SLIT3: variants seen among roughly 807,000 people sequenced by gnomAD.
SLIT3 encodes the protein slit homolog 3 protein.
Under a neutral mutation model 184.0 loss-of-function variants are expected in SLIT3, and 68 were observed. That is an observed-to-expected ratio of 0.37 (90% CI 0.30 to 0.45). SLIT3 has a LOEUF of 0.45. Ranked by LOEUF, SLIT3 falls within the 20% of genes least tolerant of loss-of-function variation. The pLI is 1.00. For synonymous variants in SLIT3, 831 were observed against 828.6 expected, an observed-to-expected ratio of 1.00 and a Z score of -0.05; for missense variants, 1,707 against 2,026.0, an observed-to-expected ratio of 0.84 and a Z score of 3.02.
At chr5:168,986,230 C>T (rs1033748767) in intron 4 of SLIT3, among the ~76,000 whole-genome samples, 7 of 152,066 alleles carry the variant, frequency 4.6e-5, no homozygotes, top group East Asian at 1.9e-4. Context: ...AATTTCATGA[C>T]GTAGGGCAAA....
chr5:169,137,718 C>T (rs1239578169), intron 4 of SLIT3, among the ~76,000 whole-genome samples: 1 of 151,852 alleles, frequency 6.6e-6, no homozygotes, highest in Non-Finnish European at 1.5e-5. Context: ...TTGCTCCCAC[C>T]CAGAAACCTA....
At chr5:168,716,655 G>C (rs1206233859) in intron 23 of SLIT3, among the ~76,000 whole-genome samples, 1 of 152,236 alleles carries the variant, frequency 6.6e-6, no homozygotes, top group Non-Finnish European at 1.5e-5. Flanking sequence ...AGGAGACATT[G>C]CATCTTGGCA....
chr5:169,122,247 G>A (rs2113290756), intron 4 of SLIT3, among the ~76,000 whole-genome samples: 1 of 152,258 alleles, frequency 6.6e-6, no homozygotes, highest in African/African-American at 2.4e-5. Context: ...GACTATACAA[G>A]CCAAGGTCTC....
intron 32 of SLIT3, among the ~76,000 whole-genome samples, chr5:168,683,489 T>C (rs1761653194): frequency 6.6e-6 from 1 of 152,078 alleles, no homozygotes; most frequent in Non-Finnish European, 1.5e-5. Context: ...CTGGAGAGGC[T>C]GAAGTTTAGG....
chr5:168,931,182 G>A (rs1412970552), intron 4 of SLIT3, among the ~76,000 whole-genome samples: 5 of 152,148 alleles, frequency 3.3e-5, no homozygotes, highest in Admixed American at 3.3e-4. Flanking sequence ...GGGAAGTCAG[G>A]GAAGTTGCTG....
chr5:169,277,506 G>A (rs984139562), intron 1 of SLIT3, among the ~76,000 whole-genome samples: 4 of 152,202 alleles, frequency 2.6e-5, no homozygotes, highest in Non-Finnish European at 5.9e-5. Flanking sequence ...CCAAAGTGCT[G>A]GGATTACAGA....
intron 4 of SLIT3, among the ~76,000 whole-genome samples, chr5:169,051,562 A>G (rs778389945): frequency 1.3e-5 from 2 of 152,208 alleles, no homozygotes; most frequent in African/African-American, 2.4e-5. Flanking sequence ...TTCCCTTTAA[A>G]AATTAAAAGG....
intron 6 of SLIT3, among the ~76,000 whole-genome samples, chr5:168,842,148 G>T (rs1758276131): frequency 6.6e-6 from 1 of 152,182 alleles, no homozygotes; most frequent in African/African-American, 2.4e-5. Flanking sequence ...TTTAAATGGA[G>T]ATGTCAGCTC....
rs76093275 is a variant in SLIT3, at chr5:168,695,473, A to G, written c.3082+819T>C. ...ACACCAAGAAGAAGGTTATTATTATATGCAGTGCTTCCCAAACTTCTTGTC... is the reference window on the plus strand; with the variant it reads ...ACACCAAGAAGAAGGTTATTATTATGTGCAGTGCTTCCCAAACTTCTTGTC... On this transcript the variant is annotated intron_variant, in intron 28 of 35. Coordinates refer to ENST00000519560, the MANE Select transcript of SLIT3 (RefSeq NM_003062.4). Among the ~76,000 whole-genome samples, 1,098 of 152,258 alleles carry G rather than the reference A, an allele frequency of 7.2e-3. 26 individuals are homozygous for G. In the East Asian group the frequency reaches 0.095, roughly 13 times the overall value.
At chr5:168,921,901 A>G (rs766931995) in intron 4 of SLIT3, among the ~76,000 whole-genome samples, 8 of 108,488 alleles carry the variant, frequency 7.4e-5, no homozygotes, top group Non-Finnish European at 1.5e-4. Context: ...TTTAATTATG[A>G]GCTCATTTAA....
intron 4 of SLIT3, among the ~76,000 whole-genome samples, chr5:169,149,541 C>T (rs1407941015): frequency 3.3e-5 from 5 of 152,100 alleles, no homozygotes; most frequent in Admixed American, 3.3e-4. Context: ...AGCACAAGTC[C>T]ACAGAATCAA....
intron 4 of SLIT3, among the ~76,000 whole-genome samples, chr5:168,942,590 C>G (rs1396581511): frequency 6.6e-6 from 1 of 152,218 alleles, no homozygotes; most frequent in African/African-American, 2.4e-5. Context: ...TCTGTTTTAG[C>G]AAACTGGCTT....
intron 4 of SLIT3, among the ~76,000 whole-genome samples, chr5:168,940,622 T>C (rs183577785): frequency 4.6e-4 from 70 of 152,312 alleles, no homozygotes; most frequent in Admixed American, 1.3e-3. Flanking sequence ...ACAAGGATGA[T>C]TTAGTCCCAA....
chr5:169,013,035 T>C (rs1756214754), intron 4 of SLIT3: 1 of 152,206 alleles, frequency 6.6e-6, no homozygotes, highest in Non-Finnish European at 1.5e-5. Flanking sequence ...GTGCCAAAAA[T>C]GTGAGCGATT....
At chr5:169,094,876 C>T (rs1410433588) in intron 4 of SLIT3, among the ~76,000 whole-genome samples, 2 of 152,220 alleles carry the variant, frequency 1.3e-5, no homozygotes, top group African/African-American at 4.8e-5. Flanking sequence ...AGCTGAGTGG[C>T]TGTGACAGAG....
intron 4 of SLIT3, among the ~76,000 whole-genome samples, chr5:168,904,744 C>T (rs1273101034): frequency 6.6e-6 from 1 of 152,158 alleles, no homozygotes; most frequent in African/African-American, 2.4e-5. Flanking sequence ...AGGGATCAGG[C>T]CTCTGGTCTC....
chr5:168,668,743 CTGGCCCT>C (rs1190563765), intron 35 of SLIT3, among the ~76,000 whole-genome samples: 1 of 152,162 alleles, frequency 6.6e-6, no homozygotes, highest in African/African-American at 2.4e-5. Context: ...GCCACCACTC[CTGGCCCT>C]ATCTAGATGA....
In SLIT3 at chr5:169,040,963, G is replaced by A. The variant is rs189385084; in HGVS notation, c.413+152516C>T. 7.9e-5 allele frequency among the ~76,000 whole-genome samples: 12 copies of A among 152,308 alleles called. No homozygotes were observed. In the East Asian group the frequency reaches 1.2e-3, roughly 15 times the overall value. ...AGACTGATAAACTCTGAAGAAGGGAGTGATTCATAGGTGTACTGTCAATAC... is the reference window on the plus strand; with the variant it reads ...AGACTGATAAACTCTGAAGAAGGGAATGATTCATAGGTGTACTGTCAATAC... On this transcript the variant is annotated intron_variant, in intron 4 of 35. Coordinates refer to ENST00000519560, the MANE Select transcript of SLIT3 (RefSeq NM_003062.4).
intron 4 of SLIT3, among the ~76,000 whole-genome samples, chr5:169,088,158 G>A (rs1159013032): frequency 6.6e-6 from 1 of 152,222 alleles, no homozygotes; most frequent in Non-Finnish European, 1.5e-5. Flanking sequence ...ACAAAGGACA[G>A]TTGCTTTCAA....
Sources: allele counts gnomAD v4.1 joint callset (sites outside exome capture counted in the v4.1 genomes callset), GRCh38; gene constraint gnomAD v4.1.1; transcripts MANE v1.5; gene names NCBI Gene and HGNC (gene_info 2026-07-23, HGNC 2026-07-21).